Variants in GRM6 observed in about 807,000 individuals in gnomAD.
GRM6 encodes the protein glutamate metabotropic receptor 6.
In GRM6, 73 loss-of-function variants were observed where a neutral mutation model predicts 78.4. The ratio of observed to expected loss-of-function variants is 0.93; its 90% CI spans 0.77 to 1.13. The LOEUF is 1.13. Ranked by LOEUF, GRM6 falls within the 50% of genes most tolerant of loss-of-function variation. The probability of loss-of-function intolerance (pLI) is 0.00; values close to 1 mark genes in which losing one functional copy is unlikely to be tolerated. For synonymous variants in GRM6, 580 were observed against 555.0 expected (o/e 1.05, Z -0.63); for missense variants, 1,251 against 1,256.4 (o/e 1.00, Z 0.07).
intron 1 of GRM6, 54 bp downstream of exon 1, chr5:178,995,222 T>G: frequency 1.8e-5 from 3 of 164,890 alleles, no homozygotes; most frequent in East Asian, 1.7e-4. Flanking sequence ...TTGGCCCCTC[T>G]TCCTCGGGGT....
intron 7 of GRM6, among the ~76,000 whole-genome samples, chr5:178,987,916 T>C (rs79572087): frequency 6.5e-4 from 1 of 1,538 alleles, no homozygotes; most frequent in African/African-American, 6.7e-4. Context: ...CCCGTCGCCA[T>C]GCCCAGCTAA....
Position 178,992,147 on chromosome 5 carries a change from A to AGGGGGGCCCAGGACACGG in GRM6, c.505-82_505-65dup. ...TCAGTAACTCAAGAGAGGGAGGGTA[A>AGGGGGGCCCAGGACACGG]GGGGGGCCCAGGACACGGACGGGGC... On this transcript the variant is annotated intron_variant, in intron 2 of 10. Transcript: ENST00000517717. This position sits in a 1 kb window ranked among gnomAD's most constrained non-coding sequence, Gnocchi z 4.9. The AGGGGGGCCCAGGACACGG allele has an allele frequency of 9.1e-7, 1 of 1,095,420 alleles. No individual in the cohort carries two copies. The allele number at this position is 1,095,420 out of a possible 1,614,324, so 67.9% of individuals were successfully genotyped here.
chr5:178,994,473 T>C lies in GRM6; in HGVS notation c.472A>G (p.Ile158Val). 6.7e-7 allele frequency: 1 copy of C among 1,484,644 alleles called. No individual in the cohort carries two copies. Among genetic ancestry groups the C allele is most frequent in the Non-Finnish European group, 8.9e-7 (1 of 1,123,438 alleles). The allele number at this position is 1,484,644 out of a possible 1,614,324, so 92.0% of individuals were successfully genotyped here. The change falls in exon 2 of 11, where the codon ATC (isoleucine) becomes GTC (valine). Residue 158 changes from isoleucine (I) to valine (V), a missense_variant. Physicochemically the swap from Ile to Val is conservative, Grantham distance 29. Transcript: ENST00000517717. Reference protein sequence around the residue: ...VVGASASSVSIMVANVLRLFA... With the variant: ...VVGASASSVSVMVANVLRLFA... ...AGGCGCAGCACGTTGGCGACCATGA[T>C]GGAGACGGAGCTGGCCGAGGCGCCC...
rs760462798 is a variant in GRM6, at chr5:178,991,875, C to T, written c.713G>A (p.Arg238Gln). The T allele has an allele frequency of 6.2e-6, 10 of 1,613,450 alleles. No homozygotes were observed. Among genetic ancestry groups the T allele is most frequent in the Admixed American group, 5.0e-5 (3 of 59,978 alleles). Residue 238 changes from arginine to glutamine, a missense_variant, in exon 3 of 11, where the codon CGA (arginine) becomes CAA (glutamine). By Grantham distance (43) the Arg-to-Gln change is conservative. Coordinates refer to ENST00000517717, the MANE Select transcript of GRM6 (RefSeq NM_000843.4). The surrounding 1 kb of genome is among the most constrained non-coding windows in gnomAD (Gnocchi z 5.0). ...CGGAGCCCCCAGCTCACCAGCCTCT[C>T]GGGAGATCTGAACGAAGGCCTCAAC... ...SGVEAFVQIS[R>Q]EAGGVCIAQS... is the part of the protein sequence containing the mutation.
intron 9 of GRM6, among the ~76,000 whole-genome samples, chr5:178,984,711 G>A (rs921009970): frequency 6.6e-6 from 1 of 152,166 alleles, no homozygotes; most frequent in African/African-American, 2.4e-5. Flanking sequence ...CTCAGGCCCT[G>A]TTACGTGGAG....
At chr5:178,985,313 C>T (rs1340593437) in intron 9 of GRM6, 1 of 454,516 alleles carries the variant, frequency 2.2e-6, no homozygotes, top group South Asian at 1.6e-5. Context: ...CACCTGACTG[C>T]CCCGTTTTCC....
At position 178,979,844 on chromosome 5, in the gene GRM6, CAGG is replaced by C. The variant is rs1439093874; in HGVS notation, c.*1810_*1812del. On this transcript the variant is annotated 3_prime_UTR_variant, in exon 11 of 11. Coordinates refer to ENST00000517717, the MANE Select transcript of GRM6 (RefSeq NM_000843.4). ...GAGCTCACTGATCTCAGAGTTCATA[CAGG>C]AGAAGAGCCCTATACAATCACGAGG... is the stretch of plus-strand genomic sequence containing the variant. 2.6e-5 allele frequency: 4 copies of C among 154,290 alleles called. No individual in the cohort carries two copies. The East Asian group carries it at 7.7e-4, about 30-fold the overall frequency. 9.6% of individuals were successfully genotyped at this position (154,290 alleles called of 1,614,324 possible).
chr5:178,991,402 G>A lies in GRM6; in HGVS notation c.857+22C>T, dbSNP rs761033684. 2.0e-5 allele frequency: 32 copies of A among 1,612,122 alleles called. No homozygotes were observed. The highest frequency in any genetic ancestry group is 8.9e-5 in the East Asian group (4 of 44,860). ...CCCTCAGGGAGAGCCCCAGGGGCCC[G>A]GTGATTGTGCCACTGTCCCACCTGA... On this transcript the variant is annotated intron_variant, in intron 4 of 10. Coordinates refer to ENST00000517717, the MANE Select transcript of GRM6 (RefSeq NM_000843.4). The surrounding 1 kb of genome is among the most constrained non-coding windows in gnomAD (Gnocchi z 5.0).
chr5:178,989,029 C>T lies in GRM6; in HGVS notation c.1260G>A (p.Gln420=). 1 of 1,614,092 alleles carries T rather than the reference C, an allele frequency of 6.2e-7. No homozygotes were observed. The highest frequency in any genetic ancestry group is 8.5e-7 in the Non-Finnish European group (1 of 1,179,956). Residue 420 remains glutamine (Q), a synonymous_variant, in exon 7 of 11, where the codon CAG becomes CAA. Coordinates refer to ENST00000517717, the MANE Select transcript of GRM6 (RefSeq NM_000843.4). Reference sequence around the variant, plus strand: ...GGCCTGTGTGCCCAGGGCAGAGCGCCTGGTGCATGCTGTGGAGGGCGTGGG... The same window carrying T: ...GGCCTGTGTGCCCAGGGCAGAGCGCTTGGTGCATGCTGTGGAGGGCGTGGG... The part of the protein sequence containing the change: ...AIAHALHSMH[Q]ALCPGHTGLC...
chr5:178,984,902 A>C (rs901098234), intron 9 of GRM6, among the ~76,000 whole-genome samples: 1 of 152,098 alleles, frequency 6.6e-6, no homozygotes, highest in African/African-American at 2.4e-5. Flanking sequence ...CTGGCCCTGC[A>C]GTGTCACACC....
In GRM6 at chr5:178,987,148, G is replaced by A. The variant is rs538785046; in HGVS notation, c.1355-165C>T. The A allele has an allele frequency of 9.3e-4, 700 of 754,538 alleles. 10 individuals carry two copies. The South Asian group carries it at 9.8e-3, about 11-fold the overall frequency. 46.7% of individuals were successfully genotyped at this position (754,538 alleles called of 1,614,324 possible). ...AGGGAGATCCCCCTTCACCCATTGGGATGGCTTCTAGCCAAGAACCAGAAA... is the reference window on the plus strand; with the variant it reads ...AGGGAGATCCCCCTTCACCCATTGGAATGGCTTCTAGCCAAGAACCAGAAA... On this transcript the variant is annotated intron_variant, in intron 7 of 10. Transcript: ENST00000517717.
chr5:178,989,451 CTG>C (rs773021260), intron 5 of GRM6, 46 bp from the exon 6 acceptor site: 10 of 1,612,554 alleles, frequency 6.2e-6, no homozygotes, highest in South Asian at 3.3e-5. Context: ...CCTGAGCCAG[CTG>C]TGTTTCTCCT....
At chr5:178,993,481 C>T (rs766330769) in intron 2 of GRM6, among the ~76,000 whole-genome samples, 17 of 152,174 alleles carry the variant, frequency 1.1e-4, no homozygotes, top group Non-Finnish European at 1.5e-4. Context: ...CTTTCATGTG[C>T]GCAGACGATA....
At chr5:178,983,522 C>A in intron 9 of GRM6, 1 of 596,780 alleles carries the variant, frequency 1.7e-6, no homozygotes, top group Non-Finnish European at 3.2e-6. Context: ...GCTTGGTGTC[C>A]TCTTCCTGCA....
At position 178,982,774 on chromosome 5, in the gene GRM6, A is replaced by G; in HGVS notation, c.2436+136T>C. 7 of 683,348 alleles carry G rather than the reference A, an allele frequency of 1.0e-5. No homozygotes were observed. In the South Asian group the frequency reaches 1.1e-4, roughly 11 times the overall value. 42.3% of individuals were successfully genotyped at this position (683,348 alleles called of 1,614,324 possible). A position where few individuals can be genotyped will look rare whatever the true frequency, so the allele number is the denominator to read the frequency against. ...GAAAAGTGAATGAATGAACAAAGTA[A>G]GAAGGGAATGAGTGAATGAACAAGC... On this transcript the variant is annotated intron_variant, in intron 10 of 10. Coordinates refer to ENST00000517717, the MANE Select transcript of GRM6 (RefSeq NM_000843.4).
At chr5:178,986,045 T>A (rs1407262835) in intron 9 of GRM6, 85 bp downstream of exon 9, 54 of 1,269,772 alleles carry the variant, frequency 4.3e-5, no homozygotes, top group Non-Finnish European at 2.2e-6. Context: ...TACAGGCGTG[T>A]GCCACTGTGC....
chr5:178,985,404 T>TAAAAA, intron 9 of GRM6: 7 of 316,634 alleles, frequency 2.2e-5, no homozygotes, highest in South Asian at 4.8e-5. Context: ...CCTGTGGCCT[T>TAAAAA]AAAAAAAAAA....
intron 9 of GRM6, 114 bp from the exon 10 acceptor site, chr5:178,983,335 G>C (rs756090743): frequency 1.1e-6 from 1 of 902,614 alleles, no homozygotes; most frequent in Non-Finnish European, 1.8e-6. Context: ...CTATGGAGGG[G>C]ATGCTCCACC....
chr5:178,994,601 G>C lies in GRM6; in HGVS notation c.344C>G (p.Ala115Gly). The part of the protein sequence containing the change: ...ALEQALSFVQ[A>G]LIRGRGDGDE... ...GCCGTCGCCGCGGCCGCGGATCAGC[G>C]CCTGCACGAAGCTCAGCGCCTGCTC... is the stretch of plus-strand genomic sequence containing the variant. Residue 115 changes from alanine (A) to glycine (G), a missense_variant, in exon 2 of 11, where the codon GCG (alanine) becomes GGG (glycine). Ala to Gly is a moderately conservative substitution (Grantham distance 60). Transcript: ENST00000517717. The C allele has an allele frequency of 7.1e-7, 1 of 1,412,968 alleles. No homozygotes were observed. The highest frequency in any genetic ancestry group is 9.2e-7 in the Non-Finnish European group (1 of 1,083,358). The allele number at this position is 1,412,968 out of a possible 1,614,324, so 87.5% of individuals were successfully genotyped here.
Sources: allele counts gnomAD v4.1 joint callset (sites outside exome capture counted in the v4.1 genomes callset), GRCh38; gene constraint gnomAD v4.1.1; non-coding constraint Gnocchi (gnomAD v3.1); transcripts MANE v1.5; gene names NCBI Gene and HGNC (gene_info 2026-07-23, HGNC 2026-07-21).